Variants in PPP1R12B observed in about 807,000 individuals in gnomAD.
PPP1R12B encodes the protein protein phosphatase 1 regulatory subunit 12B.
A neutral mutation model predicts 126.1 loss-of-function variants in PPP1R12B; 76 were observed. That is an observed-to-expected ratio of 0.60 (90% CI 0.50 to 0.73). The LOEUF (loss-of-function observed/expected upper bound fraction) is 0.73, where lower values mean the gene tolerates loss of function less well. PPP1R12B is among the 30% of genes least tolerant of loss of function. PPP1R12B has a pLI of 0.00. For synonymous variants in PPP1R12B, 356 were observed against 434.7 expected, an observed-to-expected ratio of 0.82 and a Z score of 2.25; for missense variants, 1,052 against 1,205.1, an observed-to-expected ratio of 0.87 and a Z score of 1.88.
chr1:202,435,334 G>A (rs1030056035), intron 9 of PPP1R12B, among the ~76,000 whole-genome samples: 6 of 152,164 alleles, frequency 3.9e-5, no homozygotes, highest in African/African-American at 1.2e-4. Flanking sequence ...AGTAGTCTGA[G>A]ACCAAAGAGA....
At chr1:202,500,205 GTC>G (rs948555841) in intron 18 of PPP1R12B, among the ~76,000 whole-genome samples, 1 of 142,794 alleles carries the variant, frequency 7.0e-6, no homozygotes, top group African/African-American at 2.5e-5. Flanking sequence ...TGCTCTCGCT[GTC>G]TCTCTCTCTT....
intron 1 of PPP1R12B, among the ~76,000 whole-genome samples, chr1:202,387,245 G>T (rs16865051): frequency 6.6e-6 from 1 of 152,174 alleles, no homozygotes; most frequent in African/African-American, 2.4e-5. Context: ...AACAACGTCA[G>T]TGTGGCATAT....
intron 23 of PPP1R12B, among the ~76,000 whole-genome samples, chr1:202,573,063 A>G (rs1221872232): frequency 6.6e-6 from 1 of 152,202 alleles, no homozygotes; most frequent in Non-Finnish European, 1.5e-5. Flanking sequence ...ACTTCATACA[A>G]TGACAATTAT....
intron 13 of PPP1R12B, among the ~76,000 whole-genome samples, chr1:202,479,395 G>A (rs533410205): frequency 6.6e-6 from 1 of 152,272 alleles, no homozygotes; most frequent in African/African-American, 2.4e-5. Context: ...GAACTTGAGG[G>A]ATCAAGATCC....
intron 23 of PPP1R12B, among the ~76,000 whole-genome samples, chr1:202,579,385 C>A (rs1302060670): frequency 2.0e-5 from 3 of 152,176 alleles, no homozygotes; most frequent in Admixed American, 2.0e-4. Flanking sequence ...AATGACTAGT[C>A]AAAGGACACC....
rs1212982230 is a variant in PPP1R12B, at chr1:202,589,004, G to T, written c.*8444G>T. The T allele has an allele frequency of 6.6e-6, 1 of 152,154 alleles. No homozygotes were observed. Among genetic ancestry groups the T allele is most frequent in the African/African-American group, 2.4e-5 (1 of 41,414 alleles). The allele number at this position is 152,154 out of a possible 1,614,324, so 9.4% of individuals were successfully genotyped here. On this transcript the variant is annotated 3_prime_UTR_variant, in exon 24 of 24. Transcript: ENST00000608999. ...CACTCTAGTACATGGGAAAGTTGAG[G>T]TCTAGGGAGGTGGTGATTTCCTTGG...
intron 1 of PPP1R12B, among the ~76,000 whole-genome samples, chr1:202,402,040 A>G (rs1665920880): frequency 6.6e-6 from 1 of 152,224 alleles, no homozygotes; most frequent in South Asian, 2.1e-4. Context: ...GACTGCAGAT[A>G]AGTAAGCACT....
intron 18 of PPP1R12B, among the ~76,000 whole-genome samples, chr1:202,519,025 T>G (rs1264117181): frequency 7.9e-5 from 12 of 152,200 alleles, no homozygotes; most frequent in Non-Finnish European, 1.6e-4. Flanking sequence ...TTTTTGTTGT[T>G]TTTTTAGAAA....
chr1:202,507,135 T>C (rs569453512), intron 18 of PPP1R12B, among the ~76,000 whole-genome samples: 2 of 152,178 alleles, frequency 1.3e-5, no homozygotes, highest in African/African-American at 4.8e-5. Flanking sequence ...TCAACCACCA[T>C]GTAAATGAGG....
intron 13 of PPP1R12B, among the ~76,000 whole-genome samples, chr1:202,479,448 T>C (rs1677070036): frequency 6.6e-6 from 1 of 152,212 alleles, no homozygotes; most frequent in Non-Finnish European, 1.5e-5. Context: ...AACATTTGGC[T>C]CTACTTTTCC....
At chr1:202,468,678 G>A (rs903934736) in intron 13 of PPP1R12B, among the ~76,000 whole-genome samples, 1 of 152,196 alleles carries the variant, frequency 6.6e-6, no homozygotes, top group African/African-American at 2.4e-5. Context: ...TGGTGGCTGG[G>A]CACGGTGGCT....
At chr1:202,405,576 C>T (rs1190301125) in intron 1 of PPP1R12B, among the ~76,000 whole-genome samples, 3 of 152,130 alleles carry the variant, frequency 2.0e-5, no homozygotes, top group Non-Finnish European at 4.4e-5. Flanking sequence ...TTTTTATGTA[C>T]ATTAGCTCAT....
Position 202,483,367 on chromosome 1 carries a change from G to T in PPP1R12B, c.1851-5166G>T, listed in dbSNP as rs6676966. Among the ~76,000 whole-genome samples, 959 of 141,522 alleles carry T rather than the reference G, an allele frequency of 6.8e-3. 9 individuals are homozygous for T. The highest frequency in any genetic ancestry group is 0.022 in the African/African-American group (866 of 38,618). 92.8% of individuals were successfully genotyped at this position (141,522 alleles called of 152,430 possible). On this transcript the variant is annotated intron_variant, in intron 13 of 23. Coordinates refer to ENST00000608999, the MANE Select transcript of PPP1R12B (RefSeq NM_002481.4). ...GCAATCTTGGCTAAGATATTAACAA[G>T]AAATTACAAAAGATAGAGAACTGGA...
At chr1:202,483,271 A>G (rs1271982577) in intron 13 of PPP1R12B, among the ~76,000 whole-genome samples, 3 of 146,254 alleles carry the variant, frequency 2.1e-5, no homozygotes, top group Non-Finnish European at 3.0e-5. Flanking sequence ...ATTTCTATGA[A>G]GAACACCTTT....
chr1:202,501,659 T>G lies in PPP1R12B; in HGVS notation c.2490+4837T>G, dbSNP rs994097301. On this transcript the variant is annotated intron_variant, in intron 18 of 23. Transcript: ENST00000608999. ...ATTGGAAGAGAATCTAGAGATATCTTGGATTAGGAACCAATTTTATGGTTA... is the reference window on the plus strand; with the variant it reads ...ATTGGAAGAGAATCTAGAGATATCTGGGATTAGGAACCAATTTTATGGTTA... 4.4e-4 allele frequency among the ~76,000 whole-genome samples: 67 copies of G among 152,172 alleles called. 5 individuals are homozygous for G. The highest frequency in any genetic ancestry group is 4.4e-5 in the Non-Finnish European group (3 of 68,018).
chr1:202,575,459 G>A (rs964332388), intron 23 of PPP1R12B: 6 of 271,332 alleles, frequency 2.2e-5, no homozygotes, highest in East Asian at 6.6e-5. Flanking sequence ...AGGTATACAC[G>A]TGTATGTGCA....
chr1:202,363,199 G>A (rs940568917), intron 1 of PPP1R12B, among the ~76,000 whole-genome samples: 2 of 152,142 alleles, frequency 1.3e-5, no homozygotes, highest in African/African-American at 4.8e-5. Flanking sequence ...TTTGTATTGA[G>A]CACTTCCTGG....
At position 202,529,466 on chromosome 1, in the gene PPP1R12B, C is replaced by T. The variant is rs1007230996; in HGVS notation, c.2491-29411C>T. Among the ~76,000 whole-genome samples the T allele has an allele frequency of 7.2e-5, 11 of 152,220 alleles. No individual in the cohort carries two copies. In the East Asian group the frequency reaches 1.2e-3, roughly 16 times the overall value. On this transcript the variant is annotated intron_variant, in intron 18 of 23. Transcript: ENST00000608999. ...GATGAATCATACATAGATTGCTTTT[C>T]GTAGGGCCTTTTCCTTAAAACTCTG...
rs567732441 is a variant in PPP1R12B, at chr1:202,585,443, T to G, written c.*4883T>G. 1 of 152,374 alleles carries G rather than the reference T, an allele frequency of 6.6e-6. No individual in the cohort carries two copies. The highest frequency in any genetic ancestry group is 2.1e-4 in the South Asian group (1 of 4,832). 9.4% of individuals were successfully genotyped at this position (152,374 alleles called of 1,614,324 possible). On this transcript the variant is annotated 3_prime_UTR_variant, in exon 24 of 24. Transcript: ENST00000608999. ...AACATCTGTATTCCAAGGCCACCCC[T>G]TCTCCTTTTAGTCATGTGACTTTGG...
Sources: allele counts gnomAD v4.1 joint callset (sites outside exome capture counted in the v4.1 genomes callset), GRCh38; gene constraint gnomAD v4.1.1; transcripts MANE v1.5; gene names NCBI Gene and HGNC (gene_info 2026-07-23, HGNC 2026-07-21).